The following TSHR variants were observed in gnomAD, a reference collection of about 807,000 sequenced individuals.
The protein encoded by TSHR is thyroid stimulating hormone receptor.
A neutral mutation model predicts 64.1 loss-of-function variants in TSHR; 51 were observed. That is an observed-to-expected ratio of 0.80 (90% CI 0.64 to 1.01). The LOEUF is 1.01. TSHR is among the 50% of genes least tolerant of loss of function. The probability of loss-of-function intolerance (pLI) is 0.00; values close to 1 mark genes in which losing one functional copy is unlikely to be tolerated. For missense variants in TSHR, 877 were observed against 942.8 expected (o/e 0.93, Z 0.91); for synonymous variants, 361 against 361.9 (o/e 1.00, Z 0.03).
At chr14:81,112,601 C>T (rs769554162) in intron 8 of TSHR, among the ~76,000 whole-genome samples, 1 of 152,178 alleles carries the variant, frequency 6.6e-6, no homozygotes, top group Non-Finnish European at 1.5e-5. Flanking sequence ...TTAAACTCTC[C>T]CTAGCCAGCC....
intron 1 of TSHR, among the ~76,000 whole-genome samples, chr14:81,034,646 C>T (rs181929428): frequency 1.3e-5 from 2 of 152,310 alleles, no homozygotes; most frequent in African/African-American, 4.8e-5. Context: ...GTTAAAAACA[C>T]ATGCTTGTTA....
At chr14:80,975,192 G>A (rs1021482179) in intron 1 of TSHR, among the ~76,000 whole-genome samples, 2 of 152,180 alleles carry the variant, frequency 1.3e-5, no homozygotes, top group African/African-American at 2.4e-5. Flanking sequence ...GCAGGTTATT[G>A]TTTGTCACAT....
intron 7 of TSHR, among the ~76,000 whole-genome samples, chr14:81,096,923 G>GGGGT (rs1555381337): frequency 1.3e-5 from 2 of 148,410 alleles, no homozygotes; most frequent in Non-Finnish European, 3.0e-5. Context: ...TTTTCTCCCT[G>GGGGT]GTGTGTGTGT....
intron 7 of TSHR, among the ~76,000 whole-genome samples, chr14:81,097,832 C>G (rs2140002435): frequency 6.6e-6 from 1 of 152,260 alleles, no homozygotes; most frequent in Admixed American, 6.5e-5. Flanking sequence ...TGCTTCATAC[C>G]AGTCTTTATG....
intron 8 of TSHR, among the ~76,000 whole-genome samples, chr14:81,113,609 T>G (rs951839082): frequency 2.0e-5 from 3 of 152,128 alleles, no homozygotes; most frequent in African/African-American, 7.2e-5. Context: ...ACAGTACTTC[T>G]GAGAAAATAT....
chr14:81,065,318 C>T (rs1039928073), intron 2 of TSHR, among the ~76,000 whole-genome samples: 4 of 152,162 alleles, frequency 2.6e-5, no homozygotes, highest in Non-Finnish European at 5.9e-5. Context: ...GGGACAGATG[C>T]AGGTAAACTA....
chr14:80,961,705 T>C (rs959068966), intron 1 of TSHR, among the ~76,000 whole-genome samples: 2 of 152,194 alleles, frequency 1.3e-5, no homozygotes, highest in Admixed American at 1.3e-4. Context: ...TAAATTAATA[T>C]TTGGTTTGTT....
intron 1 of TSHR, among the ~76,000 whole-genome samples, chr14:81,029,498 C>T (rs1394071360): frequency 6.6e-6 from 1 of 151,976 alleles, no homozygotes; most frequent in Admixed American, 6.6e-5. Context: ...TATCTGCACC[C>T]CCAGCAGTTT....
In TSHR at chr14:81,122,447, TG is replaced by T. The variant is rs1890842635; in HGVS notation, c.692+13996del. Among the ~76,000 whole-genome samples, 7 of 149,518 alleles carry T rather than the reference TG, an allele frequency of 4.7e-5. No individual in the cohort carries two copies. In the East Asian group the frequency reaches 1.5e-3, roughly 31 times the overall value. ...AAGAGAGAGACAGATGGACATCTTA[TG>T]AAAAAAAAAACAAACAGTTACATGA... On this transcript the variant is annotated intron_variant, in intron 8 of 9. Coordinates refer to ENST00000298171, the MANE Select transcript of TSHR (RefSeq NM_000369.5).
chr14:81,011,220 TTTC>T (rs1005817882), intron 1 of TSHR, among the ~76,000 whole-genome samples: 11 of 82,992 alleles, frequency 1.3e-4, no homozygotes, highest in Admixed American at 5.3e-4. Context: ...TCTTTTCTTC[TTTC>T]TTTTTTTTTC....
intron 1 of TSHR, among the ~76,000 whole-genome samples, chr14:81,006,952 T>C (rs754517888): frequency 4.6e-5 from 7 of 152,250 alleles, no homozygotes; most frequent in Non-Finnish European, 8.8e-5. Context: ...CAAATATTGA[T>C]ACATTATTAT....
At chr14:81,089,394 G>C (rs1405189174) in intron 4 of TSHR, among the ~76,000 whole-genome samples, 1 of 152,174 alleles carries the variant, frequency 6.6e-6, no homozygotes, top group Non-Finnish European at 1.5e-5. Flanking sequence ...AAGCTTATGG[G>C]ACAAGACAAT....
At chr14:81,127,396 C>A (rs752768785) in intron 8 of TSHR, among the ~76,000 whole-genome samples, 1 of 152,128 alleles carries the variant, frequency 6.6e-6, no homozygotes, top group Non-Finnish European at 1.5e-5. Flanking sequence ...CAGCATTGAG[C>A]CTGACCCTTT....
intron 1 of TSHR, among the ~76,000 whole-genome samples, chr14:81,041,920 G>GAA: frequency 6.6e-6 from 1 of 152,158 alleles, no homozygotes; most frequent in South Asian, 2.1e-4. Flanking sequence ...ACAACATTGC[G>GAA]TTGTAATGCA....
intron 8 of TSHR, 42 bp downstream of exon 8, chr14:81,108,494 C>CTTTTTTTTTTTTTTTTT: frequency 1.5e-6 from 2 of 1,345,710 alleles, no homozygotes; most frequent in Non-Finnish European, 1.0e-6. Flanking sequence ...CTTTTTTTTT[C>CTTTTTTTTTTTTTTTTT]TTTTTTTTTT....
intron 3 of TSHR, among the ~76,000 whole-genome samples, chr14:81,075,410 A>G (rs1447971616): frequency 6.6e-6 from 1 of 152,218 alleles, no homozygotes; most frequent in Non-Finnish European, 1.5e-5. Context: ...TGTGACCTAG[A>G]ATTGTCATTC....
chr14:81,111,050 T>C (rs1332485317), intron 8 of TSHR, among the ~76,000 whole-genome samples: 4 of 152,226 alleles, frequency 2.6e-5, no homozygotes, highest in African/African-American at 9.6e-5. Context: ...AATACATGTA[T>C]AGGGTTCATG....
intron 1 of TSHR, among the ~76,000 whole-genome samples, chr14:80,973,682 T>C (rs1189290672): frequency 6.6e-6 from 1 of 152,206 alleles, no homozygotes; most frequent in East Asian, 1.9e-4. Context: ...TTTTCTCTGT[T>C]ATAAGGAAGC....
chr14:81,133,409 T>G (rs1891330774), intron 8 of TSHR, among the ~76,000 whole-genome samples: 1 of 152,080 alleles, frequency 6.6e-6, no homozygotes, highest in Non-Finnish European at 1.5e-5. Flanking sequence ...CTCTGTAAAA[T>G]CTCTGGGAGG....
Sources: gnomAD v4.1 joint callset for allele counts (sites outside exome capture counted in the v4.1 genomes callset) on GRCh38, gnomAD v4.1.1 for gene constraint, MANE v1.5 for transcripts, NCBI Gene and HGNC (gene_info 2026-07-23, HGNC 2026-07-21) for gene names.